The following GRM4 variants were observed in gnomAD, a reference collection of about 807,000 sequenced individuals.
The protein encoded by GRM4 is metabotropic glutamate receptor 4.
In GRM4, 28 loss-of-function variants were observed where a neutral mutation model predicts 81.7. The observed-to-expected ratio is 0.34, with a 90% confidence interval of 0.25 to 0.47. GRM4 has a LOEUF of 0.47. GRM4 is among the 20% of genes least tolerant of loss of function. The pLI is 1.00. For synonymous variants in GRM4, 488 were observed against 528.8 expected (o/e 0.92, Z 1.06); for missense variants, 948 against 1,290.0 (o/e 0.73, Z 4.06).
intron 3 of GRM4, among the ~76,000 whole-genome samples, chr6:34,086,095 A>C (rs1221781322): frequency 6.6e-6 from 1 of 152,218 alleles, no homozygotes; most frequent in East Asian, 1.9e-4. Flanking sequence ...AGGCACCCTT[A>C]ATGTGAGTGG....
At chr6:34,137,046 C>T (rs550090745) in intron 1 of GRM4, among the ~76,000 whole-genome samples, 2 of 152,266 alleles carry the variant, frequency 1.3e-5, no homozygotes, top group African/African-American at 4.8e-5. Context: ...CTTTAAAGTC[C>T]TTGCCCAGTT....
chr6:34,129,488 C>T (rs998678700), intron 2 of GRM4, among the ~76,000 whole-genome samples: 2 of 152,178 alleles, frequency 1.3e-5, no homozygotes, highest in Admixed American at 1.3e-4. Flanking sequence ...TGGGTGCCCA[C>T]CAAAAGGTAT....
At chr6:34,084,076 G>A (rs539475861) in intron 3 of GRM4, among the ~76,000 whole-genome samples, 59 of 152,180 alleles carry the variant, frequency 3.9e-4, no homozygotes, top group Non-Finnish European at 3.1e-4. Context: ...CTTCAGGATG[G>A]GTCCAAATTG....
chr6:34,048,365 G>A lies in GRM4; in HGVS notation c.1169-7617C>T, dbSNP rs1765453469. Among the ~76,000 whole-genome samples, 1 of 151,820 alleles carries A rather than the reference G, an allele frequency of 6.6e-6. No homozygotes were observed. Among genetic ancestry groups the A allele is most frequent in the African/African-American group, 2.4e-5 (1 of 41,380 alleles). ...GGCGCCTGCACAGCCCCGTGCCCAA[G>A]AAGGATCAGCTCTCGACTCCTGCCT... On this transcript the variant is annotated intron_variant, in intron 6 of 10. Coordinates refer to ENST00000538487, the MANE Select transcript of GRM4 (RefSeq NM_000841.4). The surrounding 1 kb of genome is among the most constrained non-coding windows in gnomAD (Gnocchi z 4.0).
chr6:34,060,548 C>G (rs1766129921), intron 4 of GRM4: 1 of 152,260 alleles, frequency 6.6e-6, no homozygotes. Context: ...GCTTTCAGTC[C>G]CCCTCCCAGA....
rs988908388 is a variant in GRM4, at chr6:34,130,737, TC to T, written c.519+2240del. The stretch of plus-strand genomic sequence containing the variant: ...CTCAGCTCCTTTGGGCCTCTCCACC[TC>T]CCTGTAAAGTAGGCACTCACTCCGC... On this transcript the variant is annotated intron_variant, in intron 2 of 10. Transcript: ENST00000538487. This position sits in a 1 kb window ranked among gnomAD's most constrained non-coding sequence, Gnocchi z 4.1. Among the ~76,000 whole-genome samples the T allele has an allele frequency of 6.6e-6, 1 of 152,114 alleles. No homozygotes were observed. Among genetic ancestry groups the T allele is most frequent in the Non-Finnish European group, 1.5e-5 (1 of 68,010 alleles).
At chr6:34,067,213 C>T (rs547189908) in intron 3 of GRM4, among the ~76,000 whole-genome samples, 3 of 152,294 alleles carry the variant, frequency 2.0e-5, no homozygotes, top group African/African-American at 4.8e-5. Flanking sequence ...TCAGTCTCTC[C>T]GTCCTTTCCA....
chr6:34,072,678 ACACACAT>A (rs1301555254), intron 3 of GRM4, among the ~76,000 whole-genome samples: 58 of 145,408 alleles, frequency 4.0e-4, no homozygotes, highest in African/African-American at 1.4e-3. Context: ...CACCACACAC[ACACACAT>A]CACCATACAG....
At position 34,133,217 on chromosome 6, in the gene GRM4, C is replaced by G. The variant is rs757588035; in HGVS notation, c.280G>C (p.Asp94His). ...FALDRINNDP[D>H]LLPNITLGAR... ...CCCAGCGTGATGTTAGGCAGCAGGT[C>G]CGGGTCGTTGTTGATGCGATCCAGG... Residue 94 changes from aspartate (D) to histidine (H), a missense_variant, in exon 2 of 11, where the codon GAC becomes CAC. Asp to His is a moderately conservative substitution (Grantham distance 81). Transcript: ENST00000538487. The surrounding 1 kb of genome is among the most constrained non-coding windows in gnomAD (Gnocchi z 6.5). 7.4e-6 allele frequency: 12 copies of G among 1,614,160 alleles called. No homozygotes were observed. The highest frequency in any genetic ancestry group is 9.3e-6 in the Non-Finnish European group (11 of 1,179,986).
Position 34,064,636 on chromosome 6 carries a change from C to T in GRM4, c.737-2608G>A, listed in dbSNP as rs1358765171. On this transcript the variant is annotated intron_variant, in intron 3 of 10. Transcript: ENST00000538487. This position sits in a 1 kb window ranked among gnomAD's most constrained non-coding sequence, Gnocchi z 4.4. ...CAGCCCTATTGTCAGCATGTCCGCT[C>T]AGGGGAGTGGGTAAAGGAACTGGCT... is the stretch of plus-strand genomic sequence containing the variant. 3.3e-5 allele frequency among the ~76,000 whole-genome samples: 5 copies of T among 152,182 alleles called. No individual in the cohort carries two copies. The highest frequency in any genetic ancestry group is 9.7e-5 in the African/African-American group (4 of 41,436).
chr6:34,106,359 G>C (rs1245808515), intron 2 of GRM4, among the ~76,000 whole-genome samples: 1 of 151,280 alleles, frequency 6.6e-6, no homozygotes, highest in African/African-American at 2.4e-5. Context: ...AGATTGCAGT[G>C]AGCTGAGATC....
At position 34,099,115 on chromosome 6, in the gene GRM4, C is replaced by G. The variant is rs370888132; in HGVS notation, c.520-7016G>C. 2.2e-3 allele frequency among the ~76,000 whole-genome samples: 336 copies of G among 152,334 alleles called. 4 individuals are homozygous for G. The highest frequency in any genetic ancestry group is 7.2e-3 in the African/African-American group (299 of 41,582). On this transcript the variant is annotated intron_variant, in intron 2 of 10. Coordinates refer to ENST00000538487, the MANE Select transcript of GRM4 (RefSeq NM_000841.4). The stretch of plus-strand genomic sequence containing the variant: ...TGGGAGAACAAAGATTTCCCCCAAC[C>G]TCCCATGGGCAAGGGAAGAGCCACA...
intron 9 of GRM4, among the ~76,000 whole-genome samples, chr6:34,030,027 C>T (rs186171229): frequency 4.6e-5 from 7 of 152,340 alleles, no homozygotes; most frequent in Admixed American, 4.6e-4. Context: ...ACACTCTCAC[C>T]CCTGGGCATG....
rs377684701 is a variant in GRM4 at position 34,073,341 on chromosome 6, T to C, written c.737-11313A>G. ...ACACACCACACACACACACTCACAC[T>C]TCACCAGATTCACACCCCCACACAG... On this transcript the variant is annotated intron_variant, in intron 3 of 10. Coordinates refer to ENST00000538487, the MANE Select transcript of GRM4 (RefSeq NM_000841.4). Among the ~76,000 whole-genome samples, 3 of 57,840 alleles carry C rather than the reference T, an allele frequency of 5.2e-5. No individual in the cohort carries two copies. In the South Asian group the frequency reaches 2.1e-3, roughly 41 times the overall value. 37.9% of individuals were successfully genotyped at this position (57,840 alleles called of 152,430 possible). A position where few individuals can be genotyped will look rare whatever the true frequency, so the allele number is the denominator to read the frequency against.
Position 34,062,015 on chromosome 6 carries a change from G to A in GRM4, c.750C>T (p.Ile250=), listed in dbSNP as rs765720369. 6 of 1,612,124 alleles carry A rather than the reference G, an allele frequency of 3.7e-6. No individual in the cohort carries two copies. In the African/African-American group the frequency reaches 6.7e-5, roughly 18 times the overall value. The change falls in exon 4 of 11, where the codon ATC becomes ATT. Residue 250 remains isoleucine (I), a synonymous_variant. Transcript: ENST00000538487. ...QKSREDGGVC[I]AQSVKIPREP... ...CCCGTGGTATCTTCACCGACTGGGC[G>A]ATGCACACGCCCCCTGCAGGAGGGG...
chr6:34,043,940 T>G (rs901272807), intron 6 of GRM4, among the ~76,000 whole-genome samples: 11 of 152,122 alleles, frequency 7.2e-5, no homozygotes, highest in Admixed American at 6.5e-5. Flanking sequence ...TGTGGCCTCC[T>G]GGACTTTTGT....
At chr6:34,155,031 C>G (rs376295526) in intron 1 of GRM4, 22 of 1,411,084 alleles carry the variant, frequency 1.6e-5, no homozygotes, top group African/African-American at 1.3e-4. Flanking sequence ...GGGCACCTCC[C>G]CGTCCCACGC....
chr6:34,126,411 C>A (rs1433293210), intron 2 of GRM4, among the ~76,000 whole-genome samples: 1 of 152,120 alleles, frequency 6.6e-6, no homozygotes, highest in Non-Finnish European at 1.5e-5. Flanking sequence ...CTCGTTCAGC[C>A]CCCACCCCCA....
intron 3 of GRM4, chr6:34,091,566 G>GT: frequency 3.0e-6 from 1 of 336,266 alleles, no homozygotes; most frequent in Non-Finnish European, 5.5e-6. Flanking sequence ...AAGGCCCCTC[G>GT]TCCCCACCCC....
Sources: allele counts gnomAD v4.1 joint callset (sites outside exome capture counted in the v4.1 genomes callset), GRCh38; gene constraint gnomAD v4.1.1; non-coding constraint Gnocchi (gnomAD v3.1); transcripts MANE v1.5; gene names NCBI Gene and HGNC (gene_info 2026-07-23, HGNC 2026-07-21).